The following ANOS1 variants were observed in gnomAD, a reference collection of about 807,000 sequenced individuals.
The protein encoded by ANOS1 is anosmin 1.
A neutral mutation model predicts 59.0 loss-of-function variants in ANOS1; 6 were observed. That is an observed-to-expected ratio of 0.10 (90% CI 0.06 to 0.20). The LOEUF (loss-of-function observed/expected upper bound fraction) is 0.20. ANOS1 is among the 10% of genes least tolerant of loss of function. The pLI, the probability that ANOS1 is intolerant of heterozygous loss-of-function variation, is 1.00. For missense variants in ANOS1, 433 were observed against 542.3 expected (o/e 0.80, Z 2.00); for synonymous variants, 217 against 223.4 (o/e 0.97, Z 0.25).
intron 9 of ANOS1, among the ~76,000 whole-genome samples, chrX:8,551,876 G>A (rs1366407102): frequency 8.9e-6 from 1 of 112,356 alleles, no homozygotes; most frequent in Non-Finnish European, 1.9e-5. Context: ...AGGAGGCTGA[G>A]GCGGGAGAAT....
chrX:8,578,938 G>A (rs1930376876), intron 6 of ANOS1, among the ~76,000 whole-genome samples: 1 of 112,101 alleles, frequency 8.9e-6, no homozygotes, highest in Non-Finnish European at 1.9e-5. Context: ...CATAGATGTA[G>A]TCACAGTAGC....
intron 3 of ANOS1, among the ~76,000 whole-genome samples, chrX:8,612,543 AAC>A (rs2146837842): frequency 1.1e-5 from 1 of 89,705 alleles, no homozygotes; most frequent in Admixed American, 1.2e-4. Flanking sequence ...AAAACAATAA[AAC>A]AAGAAGTTTT....
chrX:8,619,333 A>T (rs182152892), intron 3 of ANOS1, among the ~76,000 whole-genome samples: 5 of 111,009 alleles, frequency 4.5e-5, no homozygotes, highest in Non-Finnish European at 5.7e-5. Flanking sequence ...TGGCCGGGCA[A>T]GGTGGCTCAC....
chrX:8,612,659 G>C (rs998610701), intron 3 of ANOS1, among the ~76,000 whole-genome samples: 44 of 108,248 alleles, frequency 4.1e-4, no homozygotes, highest in African/African-American at 1.3e-3. Flanking sequence ...TTGCAAAAAG[G>C]GTTCATCACT....
chrX:8,671,034 T>C (rs1304534367), intron 2 of ANOS1, among the ~76,000 whole-genome samples: 2 of 111,524 alleles, frequency 1.8e-5, no homozygotes, highest in African/African-American at 6.5e-5. Context: ...TCTAAATTAG[T>C]GTGTTTGTTT....
intron 8 of ANOS1, among the ~76,000 whole-genome samples, chrX:8,564,766 G>A (rs1044604955): frequency 8.1e-5 from 9 of 111,373 alleles, no homozygotes; most frequent in Non-Finnish European, 1.1e-4. Context: ...ATGGGGAACC[G>A]CATGGCTTAC....
At position 8,548,950 on chromosome X, in the gene ANOS1, AAATAGAGGCTAGTT is replaced by A. The variant is rs776275282; in HGVS notation, c.1354+4988_1354+5001del. Among the ~76,000 whole-genome samples, 10 of 111,894 alleles carry A rather than the reference AAATAGAGGCTAGTT, an allele frequency of 8.9e-5. No homozygotes were observed. The East Asian group carries it at 2.5e-3, about 28-fold the overall frequency. On this transcript the variant is annotated intron_variant, in intron 9 of 13. Transcript: ENST00000262648. ...ATTAGTGAAACAAATCATTACTGACAAATAGAGGCTAGTTTACCTCCGTCACATGAGCTCATCAC... is the reference window on the plus strand; with the variant it reads ...ATTAGTGAAACAAATCATTACTGACATACCTCCGTCACATGAGCTCATCAC...
At chrX:8,588,922 C>T (rs939059903) in intron 4 of ANOS1, among the ~76,000 whole-genome samples, 19 of 112,606 alleles carry the variant, frequency 1.7e-4, no homozygotes, top group African/African-American at 5.2e-4. Flanking sequence ...CCATTAATAG[C>T]ATTTTCTGTA....
chrX:8,584,633 T>A lies in ANOS1; in HGVS notation c.856+634A>T, dbSNP rs752640661. 8.0e-5 allele frequency among the ~76,000 whole-genome samples: 9 copies of A among 111,995 alleles called. No homozygotes were observed. The Admixed American group carries it at 8.5e-4, about 11-fold the overall frequency. On this transcript the variant is annotated intron_variant, in intron 6 of 13. Coordinates refer to ENST00000262648, the MANE Select transcript of ANOS1 (RefSeq NM_000216.4). Reference sequence around the variant, plus strand: ...GCAGATGTCTAATTAATTTGGAAGGTACACAGCCATATGGATGCAACTAGA... The same window carrying A: ...GCAGATGTCTAATTAATTTGGAAGGAACACAGCCATATGGATGCAACTAGA...
intron 2 of ANOS1, among the ~76,000 whole-genome samples, chrX:8,696,242 G>A (rs1932683512): frequency 8.9e-6 from 1 of 112,136 alleles, no homozygotes; most frequent in African/African-American, 3.2e-5. Flanking sequence ...ACAAGGGGAA[G>A]AGAACAAATG....
chrX:8,621,114 C>T (rs899833783), intron 3 of ANOS1, among the ~76,000 whole-genome samples: 1 of 111,500 alleles, frequency 9.0e-6, no homozygotes, highest in Non-Finnish European at 1.9e-5. Flanking sequence ...GCCTATAATA[C>T]CAGCAATTTG....
At chrX:8,617,717 G>A (rs1026832577) in intron 3 of ANOS1, among the ~76,000 whole-genome samples, 16 of 110,509 alleles carry the variant, frequency 1.4e-4, no homozygotes, top group African/African-American at 4.9e-4. Flanking sequence ...GGAGACAGAC[G>A]TTGCAGTGAG....
intron 2 of ANOS1, among the ~76,000 whole-genome samples, chrX:8,686,459 G>C (rs936911957): frequency 7.2e-5 from 8 of 111,888 alleles, no homozygotes; most frequent in African/African-American, 2.6e-4. Context: ...TACTGTCAAG[G>C]ATAAAGCAAG....
At chrX:8,536,293 T>C (rs808121) in intron 11 of ANOS1, among the ~76,000 whole-genome samples, 36,137 of 97,200 alleles carry the variant, frequency 0.37, 6,123 homozygotes, top group East Asian at 0.56. Flanking sequence ...TCTCAGCCTC[T>C]CAAAGTACTG....
chrX:8,576,465 TATAC>T (rs1345816245), intron 6 of ANOS1, among the ~76,000 whole-genome samples: 2 of 95,397 alleles, frequency 2.1e-5, no homozygotes, highest in African/African-American at 9.1e-5. Context: ...TATATATATA[TATAC>T]ACACACACAC....
chrX:8,731,763 C>T, intron 1 of ANOS1, 67 bp downstream of exon 1: 2 of 1,141,965 alleles, frequency 1.8e-6, no homozygotes, highest in Non-Finnish European at 2.3e-6. Flanking sequence ...CTGGGAGGCG[C>T]GCGCCCCGGT....
chrX:8,633,654 G>T (rs191088349), intron 2 of ANOS1, among the ~76,000 whole-genome samples: 1 of 111,786 alleles, frequency 8.9e-6, no homozygotes, highest in East Asian at 2.8e-4. Context: ...AAGGATCAAA[G>T]ATATTGCCTC....
At chrX:8,669,914 G>C (rs1169413690) in intron 2 of ANOS1, among the ~76,000 whole-genome samples, 1 of 111,690 alleles carries the variant, frequency 9.0e-6, no homozygotes, top group Non-Finnish European at 1.9e-5. Flanking sequence ...ACCATCATTT[G>C]GATAGGGTAA....
intron 2 of ANOS1, among the ~76,000 whole-genome samples, chrX:8,693,112 A>C (rs1932630786): frequency 8.9e-6 from 1 of 112,538 alleles, no homozygotes; most frequent in African/African-American, 3.2e-5. Flanking sequence ...GCTCCAAATC[A>C]TTCCTAAGTG....
Sources: allele counts gnomAD v4.1 joint callset (sites outside exome capture counted in the v4.1 genomes callset), GRCh38; gene constraint gnomAD v4.1.1; transcripts MANE v1.5; gene names NCBI Gene and HGNC (gene_info 2026-07-23, HGNC 2026-07-21).